The following KIF13A variants were observed in gnomAD, a reference collection of about 807,000 sequenced individuals.
The protein encoded by KIF13A is kinesin family member 13A.
In KIF13A, 79 loss-of-function variants were observed where a neutral mutation model predicts 212.2. That is an observed-to-expected ratio of 0.37 (90% CI 0.31 to 0.45). KIF13A has a LOEUF of 0.45. KIF13A is among the 20% of genes least tolerant of loss of function. KIF13A has a pLI of 1.00. For synonymous variants in KIF13A, 789 were observed against 808.6 expected (o/e 0.98, Z 0.41); for missense variants, 1,901 against 2,209.0 (o/e 0.86, Z 2.79).
At chr6:17,875,454 T>C (rs981251017) in intron 3 of KIF13A, among the ~76,000 whole-genome samples, 14 of 148,450 alleles carry the variant, frequency 9.4e-5, no homozygotes, top group Admixed American at 3.3e-4. Flanking sequence ...TTTTTTCTTT[T>C]CCTTTTTTTT....
intron 2 of KIF13A, chr6:17,950,503 A>G: frequency 1.0e-6 from 1 of 985,362 alleles, no homozygotes; most frequent in South Asian, 4.7e-5. Flanking sequence ...TTTAGGACCA[A>G]CAGATAGAAG....
In KIF13A at chr6:17,931,443, G is replaced by A. The variant is rs1775978237; in HGVS notation, c.147-33263C>T. On this transcript the variant is annotated intron_variant, in intron 2 of 38. Coordinates refer to ENST00000259711, the MANE Select transcript of KIF13A (RefSeq NM_022113.6). ...ACACTTACCATGTGTTTAGCACCAT[G>A]TAGTAAAATAAGAAGTGATAAAGGT... is the stretch of plus-strand genomic sequence containing the variant. 2.0e-5 allele frequency among the ~76,000 whole-genome samples: 3 copies of A among 150,550 alleles called. No homozygotes were observed. In the South Asian group the frequency reaches 6.4e-4, roughly 32 times the overall value.
chr6:17,930,268 T>C (rs192620661), intron 2 of KIF13A, among the ~76,000 whole-genome samples: 72 of 152,174 alleles, frequency 4.7e-4, no homozygotes, highest in Middle Eastern at 3.4e-3. Context: ...AGGAAGGAGA[T>C]GAAAGAAGTA....
chr6:17,798,759 T>C (rs1483562356), intron 22 of KIF13A, among the ~76,000 whole-genome samples: 1 of 152,222 alleles, frequency 6.6e-6, no homozygotes, highest in South Asian at 2.1e-4. Flanking sequence ...TTCCTTTTTT[T>C]ATATTTTCTC....
At chr6:17,882,231 C>CTTG in intron 3 of KIF13A, 1 of 354,266 alleles carries the variant, frequency 2.8e-6, no homozygotes, top group Non-Finnish European at 5.7e-6. Flanking sequence ...CTAACACCCA[C>CTTG]TTGTTACCTT....
At chr6:17,842,459 G>A (rs772446536) in intron 9 of KIF13A, among the ~76,000 whole-genome samples, 6 of 152,112 alleles carry the variant, frequency 3.9e-5, no homozygotes, top group East Asian at 1.9e-4. Context: ...GGAGGCCAGC[G>A]GGCAGCCTGT....
intron 20 of KIF13A, among the ~76,000 whole-genome samples, chr6:17,803,678 A>G (rs1487590981): frequency 6.6e-6 from 1 of 152,190 alleles, no homozygotes; most frequent in Admixed American, 6.5e-5. Flanking sequence ...TGTATCTTAC[A>G]AAGACCATTT....
chr6:17,817,205 C>T lies in KIF13A; in HGVS notation c.1815G>A (p.Leu605=). The change falls in exon 17 of 39, where the codon CTG becomes CTA. Residue 605 remains leucine (L), a synonymous_variant. Coordinates refer to ENST00000259711, the MANE Select transcript of KIF13A (RefSeq NM_022113.6). ...TCTTTTCTTCTAGGTATTGTTTCTC[C>T]AGGACCTGAACCACATTTTGAACTG... is the stretch of plus-strand genomic sequence containing the variant. The part of the protein sequence containing the change: ...NDPVQNVVQV[L]EKQYLEEKRS... 1 of 1,614,044 alleles carries T rather than the reference C, an allele frequency of 6.2e-7. No individual in the cohort carries two copies. Among genetic ancestry groups the T allele is most frequent in the South Asian group, 1.1e-5 (1 of 91,086 alleles).
chr6:17,896,519 T>G (rs982282910), intron 3 of KIF13A, among the ~76,000 whole-genome samples: 1 of 152,202 alleles, frequency 6.6e-6, no homozygotes, highest in Non-Finnish European at 1.5e-5. Flanking sequence ...TTCTATTGTG[T>G]CATTTATTTG....
In KIF13A at chr6:17,771,839, C is replaced by T; in HGVS notation, c.4476+69G>A. Reference sequence around the variant, plus strand: ...ACATGCAGCACTCAGCTTGTTAATGCACACTGCTGCTTCACAGGTGACACA... The same window carrying T: ...ACATGCAGCACTCAGCTTGTTAATGTACACTGCTGCTTCACAGGTGACACA... On this transcript the variant is annotated intron_variant, in intron 37 of 38. Coordinates refer to ENST00000259711, the MANE Select transcript of KIF13A (RefSeq NM_022113.6). This position sits in a 1 kb window ranked among gnomAD's most constrained non-coding sequence, Gnocchi z 5.4. The T allele has an allele frequency of 6.7e-7, 1 of 1,487,486 alleles. No homozygotes were observed. Among genetic ancestry groups the T allele is most frequent in the Admixed American group, 1.8e-5 (1 of 56,396 alleles). 92.1% of individuals were successfully genotyped at this position (1,487,486 alleles called of 1,614,324 possible). A position where few individuals can be genotyped will look rare whatever the true frequency, so the allele number is the denominator to read the frequency against.
chr6:17,857,883 T>C (rs1210473624), intron 4 of KIF13A, among the ~76,000 whole-genome samples: 4 of 152,180 alleles, frequency 2.6e-5, no homozygotes. Context: ...GGGAATCAAG[T>C]TAAATGCCCG....
chr6:17,966,570 G>A (rs1779334754), intron 2 of KIF13A, among the ~76,000 whole-genome samples: 1 of 150,618 alleles, frequency 6.6e-6, no homozygotes, highest in African/African-American at 2.4e-5. Context: ...CAAGAAAGGA[G>A]GGGTGAATAA....
At chr6:17,854,077 T>G (rs961632851) in intron 6 of KIF13A, among the ~76,000 whole-genome samples, 5 of 152,178 alleles carry the variant, frequency 3.3e-5, no homozygotes, top group African/African-American at 1.2e-4. Context: ...AATATAAACA[T>G]TTTCTTTGAT....
At chr6:17,970,571 T>C (rs1779732752) in intron 2 of KIF13A, among the ~76,000 whole-genome samples, 1 of 152,234 alleles carries the variant, frequency 6.6e-6, no homozygotes, top group Non-Finnish European at 1.5e-5. Flanking sequence ...CAGGTAGTTT[T>C]CTTTTCTCTT....
At chr6:17,874,103 C>G (rs1279536397) in intron 3 of KIF13A, among the ~76,000 whole-genome samples, 1 of 152,088 alleles carries the variant, frequency 6.6e-6, no homozygotes, top group East Asian at 1.9e-4. Flanking sequence ...CCTTCCAGGT[C>G]GATCTCCCTC....
intron 2 of KIF13A, among the ~76,000 whole-genome samples, chr6:17,962,967 T>C (rs942371507): frequency 2.6e-5 from 4 of 152,236 alleles, no homozygotes; most frequent in African/African-American, 9.6e-5. Flanking sequence ...CTCAGATCTG[T>C]CTGTCCCCTC....
At chr6:17,977,644 C>A (rs1780690433) in intron 2 of KIF13A, among the ~76,000 whole-genome samples, 1 of 152,084 alleles carries the variant, frequency 6.6e-6, no homozygotes, top group African/African-American at 2.4e-5. Flanking sequence ...ATTACATGGG[C>A]AAGGACAAAA....
At position 17,898,924 on chromosome 6, in the gene KIF13A, C is replaced by T. The variant is rs1406275862; in HGVS notation, c.147-744G>A. 6.6e-6 allele frequency among the ~76,000 whole-genome samples: 1 copy of T among 152,160 alleles called. No homozygotes were observed. The highest frequency in any genetic ancestry group is 2.4e-5 in the African/African-American group (1 of 41,426). On this transcript the variant is annotated intron_variant, in intron 2 of 38. Transcript: ENST00000259711. The surrounding 1 kb of genome is among the most constrained non-coding windows in gnomAD (Gnocchi z 5.2). ...GATCATGGCTCAGTGCAACCTTGAA[C>T]TCCTGGGCTCAACTGATCCTCCTAC...
chr6:17,896,815 G>C (rs774243063), intron 3 of KIF13A, among the ~76,000 whole-genome samples: 1 of 152,156 alleles, frequency 6.6e-6, no homozygotes, highest in Non-Finnish European at 1.5e-5. Context: ...GGCATATGTG[G>C]AGTTGCGCAG....
Sources: gnomAD v4.1 joint callset for allele counts (sites outside exome capture counted in the v4.1 genomes callset) on GRCh38, gnomAD v4.1.1 for gene constraint, Gnocchi (gnomAD v3.1) non-coding constraint, MANE v1.5 for transcripts, NCBI Gene and HGNC (gene_info 2026-07-23, HGNC 2026-07-21) for gene names.